Variants in DFFB observed in about 807,000 individuals in gnomAD.
DFFB encodes DNA fragmentation factor 40 kDa subunit.
Under a neutral mutation model 32.7 loss-of-function variants are expected in DFFB, and 29 were observed. The ratio of observed to expected loss-of-function variants is 0.89; its 90% CI spans 0.66 to 1.21. The LOEUF (loss-of-function observed/expected upper bound fraction) is 1.21. Ranked by LOEUF, DFFB falls within the 50% of genes most tolerant of loss-of-function variation. DFFB has a pLI of 0.00. For missense variants in DFFB, 398 were observed against 440.6 expected (o/e 0.90, Z 0.87); for synonymous variants, 170 against 177.1 (o/e 0.96, Z 0.32).
chr1:3,875,060 C>T (rs1645197388), intron 6 of DFFB, among the ~76,000 whole-genome samples: 1 of 152,260 alleles, frequency 6.6e-6, no homozygotes, highest in Non-Finnish European at 1.5e-5. Context: ...TGCAGTGTAC[C>T]TGTTCATTGC....
chr1:3,859,108 G>A (rs1417662187), intron 2 of DFFB, among the ~76,000 whole-genome samples: 1 of 152,158 alleles, frequency 6.6e-6, no homozygotes, highest in Non-Finnish European at 1.5e-5. Flanking sequence ...TTCATTTGAG[G>A]TGTCCTAGCA....
intron 6 of DFFB, among the ~76,000 whole-genome samples, chr1:3,877,317 T>A (rs1292667153): frequency 1.3e-5 from 2 of 148,886 alleles, no homozygotes; most frequent in African/African-American, 5.0e-5. Flanking sequence ...GAGTTGTGTC[T>A]TGGGAGTTCA....
At chr1:3,859,303 G>A (rs1644833495) in intron 2 of DFFB, among the ~76,000 whole-genome samples, 1 of 152,128 alleles carries the variant, frequency 6.6e-6, no homozygotes, top group Admixed American at 6.5e-5. Context: ...CTGTCCTCAG[G>A]GCTCAAGTTT....
intron 6 of DFFB, among the ~76,000 whole-genome samples, chr1:3,879,753 A>C (rs770639327): frequency 6.6e-6 from 1 of 152,146 alleles, no homozygotes; most frequent in Non-Finnish European, 1.5e-5. Context: ...TCAGCTGTTC[A>C]TATGTTCATT....
intron 6 of DFFB, among the ~76,000 whole-genome samples, chr1:3,875,427 CTAA>C (rs777125120): frequency 2.4e-4 from 37 of 152,292 alleles, no homozygotes; most frequent in Non-Finnish European, 3.8e-4. Context: ...GTGCTGGGTC[CTAA>C]TGACACCTCT....
chr1:3,869,757 A>G lies in DFFB; in HGVS notation c.663A>G (p.Glu221=). 6.2e-7 allele frequency: 1 copy of G among 1,606,096 alleles called. No homozygotes were observed. The highest frequency in any genetic ancestry group is 8.5e-7 in the Non-Finnish European group (1 of 1,174,552). ...AKGGSRLCTP[E]GWFSCQGPFD... ...GCGGCAGCCGCCTCTGCACACCGGA[A>G]GGCTGGTTCTCCTGCCAGGTGAGCT... The change falls in exon 5 of 7, where the codon GAA becomes GAG. Residue 221 remains glutamate (E), a synonymous_variant. Coordinates refer to ENST00000378209, the MANE Select transcript of DFFB (RefSeq NM_004402.4).
At position 3,857,595 on chromosome 1, in the gene DFFB, A is replaced by T; in HGVS notation, c.-9A>T. 6.4e-7 allele frequency: 1 copy of T among 1,566,542 alleles called. No homozygotes were observed. The highest frequency in any genetic ancestry group is 8.6e-7 in the Non-Finnish European group (1 of 1,156,594). On this transcript the variant is annotated 5_prime_UTR_variant, in exon 1 of 7. Coordinates refer to ENST00000378209, the MANE Select transcript of DFFB (RefSeq NM_004402.4). ...CCTGTGGGACCCAGAGGGCTTGAGGACATCTGCAATGCTCCAGAAGCCCAA... is the reference window on the plus strand; with the variant it reads ...CCTGTGGGACCCAGAGGGCTTGAGGTCATCTGCAATGCTCCAGAAGCCCAA...
At chr1:3,872,231 G>A (rs1645129624) in intron 5 of DFFB, among the ~76,000 whole-genome samples, 1 of 152,248 alleles carries the variant, frequency 6.6e-6, no homozygotes, top group Admixed American at 6.5e-5. Context: ...TGGCCAACAA[G>A]GTGAAACCCT....
At chr1:3,866,736 C>T (rs949926825) in intron 3 of DFFB, among the ~76,000 whole-genome samples, 2 of 152,090 alleles carry the variant, frequency 1.3e-5, no homozygotes, top group Non-Finnish European at 2.9e-5. Context: ...CTTCCCCCTC[C>T]GCCAGCCCCT....
intron 6 of DFFB, among the ~76,000 whole-genome samples, chr1:3,879,370 A>G (rs12027244): frequency 0.14 from 21,196 of 152,086 alleles, 1,630 homozygotes; most frequent in South Asian, 0.17. Flanking sequence ...TCTCACTGGG[A>G]CTTTCTGCTG....
chr1:3,881,196 G>A (rs778554214), intron 6 of DFFB, among the ~76,000 whole-genome samples: 21 of 152,212 alleles, frequency 1.4e-4, no homozygotes, highest in Admixed American at 1.3e-4. Flanking sequence ...GGGAGGACAG[G>A]GGAGAAGGGC....
At chr1:3,879,192 C>T (rs1049642211) in intron 6 of DFFB, among the ~76,000 whole-genome samples, 3 of 152,140 alleles carry the variant, frequency 2.0e-5, no homozygotes, top group African/African-American at 7.2e-5. Context: ...GACTTGTATT[C>T]CTTGTGCTGA....
Position 3,858,821 on chromosome 1 carries a change from C to T in DFFB, c.218C>T (p.Thr73Ile), listed in dbSNP as rs770441698. The T allele has an allele frequency of 1.9e-6, 3 of 1,614,034 alleles. No homozygotes were observed. Among genetic ancestry groups the T allele is most frequent in the East Asian group, 4.5e-5 (2 of 44,868 alleles). ...GACAACGCCGAGCTGGTGCTGCTCA[C>T]CTTGGGCCAGGCCTGGCAGGGCTGT... ...VPDNAELVLL[T>I]LGQAWQGYVS... The change falls in exon 2 of 7, where the codon ACC (threonine) becomes ATC (isoleucine). Residue 73 changes from threonine to isoleucine, a missense_variant. Physicochemically the swap from Thr to Ile is moderately conservative, Grantham distance 89 (BLOSUM62 -1). Transcript: ENST00000378209.
intron 6 of DFFB, among the ~76,000 whole-genome samples, chr1:3,883,047 A>G (rs551906755): frequency 6.9e-6 from 1 of 145,174 alleles, no homozygotes; most frequent in African/African-American, 2.6e-5. Context: ...TTTGTTGCCT[A>G]GGCTGGAGTG....
chr1:3,874,462 G>T (rs1484612339), intron 6 of DFFB, among the ~76,000 whole-genome samples: 1 of 46,204 alleles, frequency 2.2e-5, no homozygotes, highest in Admixed American at 2.2e-4. Flanking sequence ...CCACACGCGT[G>T]TGGGTTTAAC....
intron 6 of DFFB, among the ~76,000 whole-genome samples, chr1:3,873,476 G>A (rs1240009532): frequency 7.3e-6 from 1 of 137,096 alleles, no homozygotes; most frequent in African/African-American, 2.7e-5. Flanking sequence ...TAGGATTTGG[G>A]ATTTTTTTTT....
At chr1:3,868,888 C>T (rs954497939) in intron 4 of DFFB, among the ~76,000 whole-genome samples, 2 of 152,260 alleles carry the variant, frequency 1.3e-5, no homozygotes, top group African/African-American at 4.8e-5. Flanking sequence ...CGTTTTTCTG[C>T]ATCTCTTCGA....
intron 6 of DFFB, chr1:3,873,144 G>A (rs762969679): frequency 5.9e-5 from 16 of 269,426 alleles, no homozygotes; most frequent in Non-Finnish European, 9.5e-5. Flanking sequence ...ACAGGTGCTC[G>A]CCACCATGCC....
At chr1:3,882,502 T>C (rs1363785792) in intron 6 of DFFB, among the ~76,000 whole-genome samples, 2 of 152,008 alleles carry the variant, frequency 1.3e-5, no homozygotes, top group Non-Finnish European at 2.9e-5. Context: ...GCAGCTGGGA[T>C]TACAGGCATG....
Sources: gnomAD v4.1 joint callset for allele counts (sites outside exome capture counted in the v4.1 genomes callset) on GRCh38, gnomAD v4.1.1 for gene constraint, MANE v1.5 for transcripts, NCBI Gene and HGNC (gene_info 2026-07-23, HGNC 2026-07-21) for gene names.